Variants in NYAP2 observed in about 807,000 individuals in gnomAD.
The protein encoded by NYAP2 is neuronal tyrosine-phosphorylated phosphoinositide-3-kinase adaptor 2.
A neutral mutation model predicts 50.4 loss-of-function variants in NYAP2; 23 were observed. The ratio of observed to expected loss-of-function variants is 0.46; its 90% CI spans 0.33 to 0.65. NYAP2 has a LOEUF of 0.65. Among genes scored for constraint, NYAP2 ranks in the 30% least tolerant of loss-of-function variants. The pLI, the probability that NYAP2 is intolerant of heterozygous loss-of-function variation, is 0.02. For missense variants in NYAP2, 885 were observed against 861.0 expected, an observed-to-expected ratio of 1.03 and a Z score of -0.35; for synonymous variants, 394 against 365.2, an observed-to-expected ratio of 1.08 and a Z score of -0.90.
chr2:225,615,989 T>A (rs1311457195), intron 5 of NYAP2, among the ~76,000 whole-genome samples: 1 of 152,180 alleles, frequency 6.6e-6, no homozygotes, highest in East Asian at 1.9e-4. Flanking sequence ...CTTTATCAGG[T>A]CTTTGCTAAT....
At chr2:225,492,260 G>T (rs950049807) in intron 3 of NYAP2, among the ~76,000 whole-genome samples, 9 of 152,132 alleles carry the variant, frequency 5.9e-5, no homozygotes, top group Middle Eastern at 3.2e-3. Context: ...ATCTTGTCAA[G>T]AAGTATATTT....
intron 3 of NYAP2, among the ~76,000 whole-genome samples, chr2:225,447,573 G>A (rs1346362865): frequency 2.0e-5 from 3 of 152,104 alleles, no homozygotes; most frequent in South Asian, 4.1e-4. Flanking sequence ...TAAGAATAAT[G>A]TTGAGTACAT....
chr2:225,437,564 C>T (rs1240922762), intron 3 of NYAP2, among the ~76,000 whole-genome samples: 2 of 152,150 alleles, frequency 1.3e-5, no homozygotes, highest in African/African-American at 2.4e-5. Flanking sequence ...AACAAAGTCA[C>T]AATGCATGGT....
rs6747518 is a variant in NYAP2, at chr2:225,475,892, A to C, written c.222-37479A>C. Among the ~76,000 whole-genome samples the C allele has an allele frequency of 5.3e-3, 802 of 152,338 alleles. 4 individuals carry two copies. Among genetic ancestry groups the C allele is most frequent in the African/African-American group, 0.018 (752 of 41,580 alleles). On this transcript the variant is annotated intron_variant, in intron 3 of 6. Coordinates refer to ENST00000636099, the Ensembl canonical transcript of NYAP2. ...TGGAGAACATGGCACCTTATGGAATATGGAACTCTTCATTTTACAATGAAA... is the reference window on the plus strand; with the variant it reads ...TGGAGAACATGGCACCTTATGGAATCTGGAACTCTTCATTTTACAATGAAA...
intron 3 of NYAP2, among the ~76,000 whole-genome samples, chr2:225,428,300 G>T (rs1203348852): frequency 6.6e-6 from 1 of 152,148 alleles, no homozygotes; most frequent in South Asian, 2.1e-4. Context: ...TAGGAATCCA[G>T]GGGAAACCTG....
intron 5 of NYAP2, among the ~76,000 whole-genome samples, chr2:225,605,729 T>C (rs1014545571): frequency 3.9e-5 from 6 of 152,124 alleles, no homozygotes; most frequent in African/African-American, 1.4e-4. Flanking sequence ...CATTTTTCTT[T>C]ACTACCTGTA....
downstream of NYAP2, among the ~76,000 whole-genome samples, chr2:225,655,885 T>TACACAC (rs372646871): frequency 0.1 from 12,568 of 120,874 alleles, 883 homozygotes; most frequent in Admixed American, 0.13. Context: ...CAACCTCCAC[T>TACACAC]ACACACACAC....
intron 3 of NYAP2, among the ~76,000 whole-genome samples, chr2:225,434,720 T>C (rs767015074): frequency 1.3e-5 from 2 of 152,228 alleles, no homozygotes; most frequent in Non-Finnish European, 2.9e-5. Context: ...GCCATTGTTG[T>C]AGATGATACA....
intron 3 of NYAP2, among the ~76,000 whole-genome samples, chr2:225,445,301 T>C (rs985436421): frequency 3.9e-5 from 6 of 152,172 alleles, no homozygotes; most frequent in Admixed American, 3.3e-4. Context: ...TTTATGTACT[T>C]TTCCTAAAGT....
intron 3 of NYAP2, among the ~76,000 whole-genome samples, chr2:225,477,231 C>CTTTTTTTTTTTTTTT (rs11378712): frequency 2.3e-5 from 2 of 87,470 alleles, no homozygotes; most frequent in African/African-American, 9.3e-5. Context: ...GTCTCTATTT[C>CTTTTTTTTTTTTTTT]TTTTTTTTTT....
intron 3 of NYAP2, among the ~76,000 whole-genome samples, chr2:225,503,199 C>T (rs1476796357): frequency 2.6e-5 from 4 of 152,158 alleles, no homozygotes; most frequent in Non-Finnish European, 5.9e-5. Context: ...TTTGAAGACA[C>T]AAATAAAATA....
At chr2:225,684,208 T>C in the NYAP2 span, among the ~76,000 whole-genome samples, 2 of 152,174 alleles carry the variant, frequency 1.3e-5, no homozygotes, top group African/African-American at 2.4e-5. Flanking sequence ...CTCATTTTGA[T>C]AGAATCAAGT....
At chr2:225,566,519 A>G (rs1691966138) in intron 4 of NYAP2, among the ~76,000 whole-genome samples, 1 of 152,240 alleles carries the variant, frequency 6.6e-6, no homozygotes, top group Non-Finnish European at 1.5e-5. Context: ...TCTTTAAGAT[A>G]ATATCCCCCT....
intron 2 of NYAP2, among the ~76,000 whole-genome samples, chr2:225,407,798 A>G (rs1353489811): frequency 6.6e-6 from 1 of 151,906 alleles, no homozygotes; most frequent in African/African-American, 2.4e-5. Context: ...CAATTATACC[A>G]GTTTCTTATA....
chr2:225,582,384 C>T lies in NYAP2; in HGVS notation c.967C>T (p.Pro323Ser), dbSNP rs1692295032. The T allele has an allele frequency of 4.3e-6, 7 of 1,609,768 alleles. No individual in the cohort carries two copies. Among genetic ancestry groups the T allele is most frequent in the Non-Finnish European group, 5.9e-6 (7 of 1,176,794 alleles). The change falls in exon 5 of 7, where the codon CCT (proline) becomes TCT (serine). Residue 323 changes from proline to serine, a missense_variant. Pro to Ser is a moderately conservative substitution (Grantham distance 74, BLOSUM62 -1). Coordinates refer to ENST00000636099, the Ensembl canonical transcript of NYAP2. This position sits in a 1 kb window ranked among gnomAD's most constrained non-coding sequence, Gnocchi z 7.0. ...CCCCAAGGGGCTGCTTTGCGACATC[C>T]CTCCGCCCTTCCCCAACCTGCTTTC...
intron 4 of NYAP2, among the ~76,000 whole-genome samples, chr2:225,572,904 G>C (rs945372500): frequency 6.6e-5 from 10 of 151,978 alleles, no homozygotes; most frequent in African/African-American, 2.4e-4. Context: ...CTCTACTCTG[G>C]TTGTTCTTCC....
intron 3 of NYAP2, among the ~76,000 whole-genome samples, chr2:225,412,795 G>C (rs1352370087): frequency 6.6e-6 from 1 of 152,124 alleles, no homozygotes; most frequent in Non-Finnish European, 1.5e-5. Context: ...GGCTAGGAAA[G>C]TAAACCAAGA....
chr2:225,502,141 T>G (rs1292540605), intron 3 of NYAP2, among the ~76,000 whole-genome samples: 2 of 152,212 alleles, frequency 1.3e-5, no homozygotes, highest in Non-Finnish European at 2.9e-5. Flanking sequence ...CGAGCAAATC[T>G]GCATTTAGAA....
At chr2:225,557,513 G>A (rs184558204) in intron 4 of NYAP2, among the ~76,000 whole-genome samples, 1 of 152,014 alleles carries the variant, frequency 6.6e-6, no homozygotes, top group Non-Finnish European at 1.5e-5. Flanking sequence ...AGATGTGTGA[G>A]ACAAAACATA....
Sources: gnomAD v4.1 joint callset for allele counts (sites outside exome capture counted in the v4.1 genomes callset) on GRCh38, gnomAD v4.1.1 for gene constraint, Gnocchi (gnomAD v3.1) non-coding constraint, MANE v1.5 for transcripts, NCBI Gene and HGNC (gene_info 2026-07-23, HGNC 2026-07-21) for gene names.